Variants in TMEM117 observed in about 807,000 individuals in gnomAD.
The protein encoded by TMEM117 is transmembrane protein 117.
A neutral mutation model predicts 52.4 loss-of-function variants in TMEM117; 27 were observed. The ratio of observed to expected loss-of-function variants is 0.51; its 90% CI spans 0.38 to 0.71. The LOEUF (loss-of-function observed/expected upper bound fraction) is 0.71, where lower values mean the gene tolerates loss of function less well. Among genes scored for constraint, TMEM117 ranks in the 30% least tolerant of loss-of-function variants. TMEM117 has a pLI of 0.00. For missense variants in TMEM117, 556 were observed against 630.5 expected (o/e 0.88, Z 1.26); for synonymous variants, 215 against 206.3 (o/e 1.04, Z -0.36).
intron 5 of TMEM117, among the ~76,000 whole-genome samples, chr12:44,253,718 G>A (rs1207949783): frequency 6.6e-6 from 1 of 151,946 alleles, no homozygotes; most frequent in Non-Finnish European, 1.5e-5. Flanking sequence ...CTTAGAAAAT[G>A]TGGGCATACA....
intron 3 of TMEM117, among the ~76,000 whole-genome samples, chr12:44,023,840 C>T (rs1202168192): frequency 2.7e-5 from 4 of 149,956 alleles, no homozygotes; most frequent in Admixed American, 2.0e-4. Context: ...GGAGGGATAG[C>T]ATTAGGAGAT....
chr12:44,232,923 T>C (rs1949951127), intron 5 of TMEM117, among the ~76,000 whole-genome samples: 1 of 151,368 alleles, frequency 6.6e-6, no homozygotes, highest in Non-Finnish European at 1.5e-5. Context: ...TTTTTAATAG[T>C]TTTCTTTCTT....
chr12:44,034,547 C>T (rs916652996), intron 3 of TMEM117, among the ~76,000 whole-genome samples: 1 of 152,116 alleles, frequency 6.6e-6, no homozygotes, highest in Non-Finnish European at 1.5e-5. Context: ...TCTGCAAATG[C>T]AGAATTTACA....
chr12:44,327,428 A>T (rs1305973094), intron 6 of TMEM117, among the ~76,000 whole-genome samples: 1 of 152,194 alleles, frequency 6.6e-6, no homozygotes, highest in African/African-American at 2.4e-5. Context: ...ATTAAGTAGA[A>T]GATGTTTATG....
chr12:43,825,145 A>G, the TMEM117 span, among the ~76,000 whole-genome samples: 1 of 152,342 alleles, frequency 6.6e-6, no homozygotes, highest in East Asian at 1.9e-4. Flanking sequence ...TTAAAGTGAA[A>G]TCTACTGGTT....
intron 3 of TMEM117, among the ~76,000 whole-genome samples, chr12:44,035,957 T>C (rs1946703749): frequency 6.6e-6 from 1 of 152,232 alleles, no homozygotes; most frequent in Non-Finnish European, 1.5e-5. Flanking sequence ...GCAGGTGTTT[T>C]ATGACATGAT....
chr12:44,000,260 A>C, intron 3 of TMEM117, among the ~76,000 whole-genome samples: 1 of 152,170 alleles, frequency 6.6e-6, no homozygotes, highest in Non-Finnish European at 1.5e-5. Context: ...ACCTCCCTCG[A>C]GGTTTCTCTT....
At chr12:44,263,227 T>C (rs950919700) in intron 5 of TMEM117, among the ~76,000 whole-genome samples, 1 of 152,192 alleles carries the variant, frequency 6.6e-6, no homozygotes, top group Non-Finnish European at 1.5e-5. Context: ...GTTTCTTTAA[T>C]GTGGTCAAAA....
chr12:44,114,142 A>G (rs1948090484), intron 3 of TMEM117, among the ~76,000 whole-genome samples: 2 of 151,264 alleles, frequency 1.3e-5, no homozygotes, highest in Non-Finnish European at 2.9e-5. Flanking sequence ...GGTACCTCAG[A>G]TGGAAATGCA....
At chr12:43,880,506 T>C (rs762154925) in intron 2 of TMEM117, among the ~76,000 whole-genome samples, 1 of 152,152 alleles carries the variant, frequency 6.6e-6, no homozygotes, top group Non-Finnish European at 1.5e-5. Context: ...TTGGGGAGTA[T>C]AAGGAATTGC....
At chr12:43,804,606 T>C in the TMEM117 span, 1 of 1,422,088 alleles carries the variant, frequency 7.0e-7, no homozygotes, top group Non-Finnish European at 9.7e-7. Context: ...AAACTTTTTA[T>C]ACTTACATAT....
intron 3 of TMEM117, among the ~76,000 whole-genome samples, chr12:44,143,269 A>G (rs1011581925): frequency 1.3e-5 from 2 of 152,240 alleles, no homozygotes; most frequent in African/African-American, 2.4e-5. Flanking sequence ...AAAAGCTGTC[A>G]TTAGTCGTAC....
At chr12:44,356,405 T>TAAAAA (rs1205799599) in intron 6 of TMEM117, among the ~76,000 whole-genome samples, 1 of 152,098 alleles carries the variant, frequency 6.6e-6, no homozygotes, top group Non-Finnish European at 1.5e-5. Context: ...AATAATGGAA[T>TAAAAA]TAACAGAATA....
chr12:44,088,601 G>A (rs186732790), intron 3 of TMEM117, among the ~76,000 whole-genome samples: 100 of 152,312 alleles, frequency 6.6e-4, no homozygotes, highest in Non-Finnish European at 1.0e-3. Context: ...GAGTGATCTT[G>A]TGAAATCTAA....
In TMEM117 at chr12:44,212,612, T is replaced by C. The variant is rs140717885; in HGVS notation, c.608+1225T>C. ...GAAGGAAAAATGTTTGTGCATAGGA[T>C]ATATAGGGTTTAATACTATCCAGGA... On this transcript the variant is annotated intron_variant, in intron 5 of 7. Coordinates refer to ENST00000266534, the MANE Select transcript of TMEM117 (RefSeq NM_032256.3). 3.1e-3 allele frequency among the ~76,000 whole-genome samples: 468 copies of C among 152,254 alleles called. 6 individuals carry two copies. The highest frequency in any genetic ancestry group is 0.01 in the African/African-American group (422 of 41,552).
chr12:44,282,355 C>T (rs117440311), intron 5 of TMEM117, among the ~76,000 whole-genome samples: 8,486 of 152,058 alleles, frequency 0.056, 264 homozygotes, highest in Middle Eastern at 0.12. Context: ...TTTGGAGGGC[C>T]CAGGAGAAGA....
chr12:44,099,243 A>G (rs1289941947), intron 3 of TMEM117, among the ~76,000 whole-genome samples: 1 of 151,464 alleles, frequency 6.6e-6, no homozygotes, highest in Non-Finnish European at 1.5e-5. Flanking sequence ...TCTTGGTATC[A>G]GCATTTTTGT....
chr12:43,809,653 T>A, the TMEM117 span, among the ~76,000 whole-genome samples: 2,064 of 152,310 alleles, frequency 0.014, 38 homozygotes, highest in African/African-American at 0.048. Flanking sequence ...TGATTTCTTA[T>A]ATAGGTTCAT....
At chr12:44,176,643 A>G (rs1353043118) in intron 4 of TMEM117, among the ~76,000 whole-genome samples, 3 of 152,202 alleles carry the variant, frequency 2.0e-5, no homozygotes, top group African/African-American at 7.2e-5. Flanking sequence ...GAAATTGGCC[A>G]TAGAGCCTGC....
Sources: allele counts gnomAD v4.1 joint callset (sites outside exome capture counted in the v4.1 genomes callset), GRCh38; gene constraint gnomAD v4.1.1; transcripts MANE v1.5; gene names NCBI Gene and HGNC (gene_info 2026-07-23, HGNC 2026-07-21).